Variants in PLXDC2 observed in about 807,000 individuals in gnomAD.
The protein encoded by PLXDC2 is plexin domain containing 2.
Under a neutral mutation model 68.9 loss-of-function variants are expected in PLXDC2, and 40 were observed. The observed-to-expected ratio is 0.58, with a 90% CI of 0.45 to 0.76. PLXDC2 has a LOEUF of 0.76. Among genes scored for constraint, PLXDC2 ranks in the 30% least tolerant of loss-of-function variants. The pLI, the probability that PLXDC2 is intolerant of heterozygous loss-of-function variation, is 0.00. For synonymous variants in PLXDC2, 243 were observed against 234.2 expected, an observed-to-expected ratio of 1.04 and a Z score of -0.34; for missense variants, 644 against 661.9, an observed-to-expected ratio of 0.97 and a Z score of 0.30.
At chr10:20,126,054 A>C (rs1028549751) in intron 4 of PLXDC2, among the ~76,000 whole-genome samples, 1 of 148,284 alleles carries the variant, frequency 6.7e-6, no homozygotes, top group Non-Finnish European at 1.5e-5. Context: ...TTGCGTATAC[A>C]TATATACACA....
intron 1 of PLXDC2, among the ~76,000 whole-genome samples, chr10:19,827,734 T>C (rs556315282): frequency 1.3e-5 from 2 of 152,182 alleles, no homozygotes; most frequent in Non-Finnish European, 2.9e-5. Flanking sequence ...AATTTGTGTA[T>C]TTTTAGTAGA....
chr10:20,005,538 G>A (rs769672636), intron 2 of PLXDC2, among the ~76,000 whole-genome samples: 9 of 152,150 alleles, frequency 5.9e-5, no homozygotes, highest in Admixed American at 2.6e-4. Flanking sequence ...TTTAGCTCAC[G>A]GTTCTGTAGG....
At chr10:19,849,549 T>A (rs1837076615) in intron 1 of PLXDC2, among the ~76,000 whole-genome samples, 1 of 152,242 alleles carries the variant, frequency 6.6e-6, no homozygotes, top group East Asian at 1.9e-4. Context: ...ATGATAGTGA[T>A]CTGATGGCTT....
intron 1 of PLXDC2, among the ~76,000 whole-genome samples, chr10:19,943,302 T>C (rs1317753158): frequency 6.6e-6 from 1 of 152,170 alleles, no homozygotes; most frequent in Admixed American, 6.5e-5. Flanking sequence ...TACACATGTA[T>C]CTTTACAGTA....
At chr10:20,089,425 C>G (rs10827962) in intron 4 of PLXDC2, among the ~76,000 whole-genome samples, 94,774 of 151,934 alleles carry the variant, frequency 0.62, 31,402 homozygotes, top group East Asian at 1. Flanking sequence ...ACATGTGTTT[C>G]GAGACTGTTG....
At chr10:20,122,811 G>A (rs1388637426) in intron 4 of PLXDC2, among the ~76,000 whole-genome samples, 6 of 152,118 alleles carry the variant, frequency 3.9e-5, no homozygotes, top group Non-Finnish European at 8.8e-5. Context: ...TTTGAGGGCC[G>A]GAATTTAATT....
At chr10:20,016,038 CCT>C (rs1474887932) in intron 2 of PLXDC2, among the ~76,000 whole-genome samples, 2 of 152,174 alleles carry the variant, frequency 1.3e-5, no homozygotes, top group African/African-American at 4.8e-5. Flanking sequence ...AGTGAAAGGG[CCT>C]CTCTATTTAA....
At chr10:20,178,208 ATT>A (rs1330380038) in intron 9 of PLXDC2, among the ~76,000 whole-genome samples, 2 of 152,184 alleles carry the variant, frequency 1.3e-5, no homozygotes, top group Admixed American at 6.5e-5. Flanking sequence ...TCATGTTGTA[ATT>A]AGCTAACCCT....
chr10:20,120,418 A>G (rs898357501), intron 4 of PLXDC2, among the ~76,000 whole-genome samples: 3 of 151,668 alleles, frequency 2.0e-5, no homozygotes, highest in Non-Finnish European at 4.4e-5. Context: ...ATGGAGGACC[A>G]TAAGGGATAT....
chr10:20,210,545 T>C (rs1835055523), intron 9 of PLXDC2, among the ~76,000 whole-genome samples: 1 of 152,156 alleles, frequency 6.6e-6, no homozygotes, highest in Non-Finnish European at 1.5e-5. Flanking sequence ...CAAAGTCTAA[T>C]TAACACAATG....
chr10:20,165,048 C>T (rs977615672), intron 7 of PLXDC2, among the ~76,000 whole-genome samples: 3 of 152,088 alleles, frequency 2.0e-5, no homozygotes, highest in Non-Finnish European at 4.4e-5. Flanking sequence ...GTCTTGAACT[C>T]CTGAGCTTAA....
intron 1 of PLXDC2, among the ~76,000 whole-genome samples, chr10:19,853,709 G>GT (rs1435508201): frequency 1.3e-5 from 2 of 152,164 alleles, no homozygotes; most frequent in East Asian, 3.9e-4. Context: ...AAAATGAGGG[G>GT]TGAAGAGACA....
intron 1 of PLXDC2, among the ~76,000 whole-genome samples, chr10:19,883,350 A>G (rs887444442): frequency 2.6e-5 from 4 of 152,226 alleles, no homozygotes; most frequent in African/African-American, 7.2e-5. Context: ...TTAGTTAGCT[A>G]TAAGGTAGCC....
intron 4 of PLXDC2, among the ~76,000 whole-genome samples, chr10:20,124,739 G>T (rs540972567): frequency 6.6e-6 from 1 of 151,852 alleles, no homozygotes. Context: ...AAGGTACTCA[G>T]TGGGGGAGCT....
At chr10:20,123,959 G>A (rs1363694356) in intron 4 of PLXDC2, among the ~76,000 whole-genome samples, 1 of 151,902 alleles carries the variant, frequency 6.6e-6, no homozygotes, top group Non-Finnish European at 1.5e-5. Context: ...CCCTAGAAAA[G>A]CGGGACTTGC....
At chr10:20,216,113 A>T (rs895027818) in intron 10 of PLXDC2, among the ~76,000 whole-genome samples, 2 of 152,104 alleles carry the variant, frequency 1.3e-5, no homozygotes, top group Non-Finnish European at 2.9e-5. Flanking sequence ...AAACTAAAAA[A>T]AAAAAAAAAT....
At chr10:19,934,268 G>T (rs1395466055) in intron 1 of PLXDC2, among the ~76,000 whole-genome samples, 1 of 152,178 alleles carries the variant, frequency 6.6e-6, no homozygotes, top group South Asian at 2.1e-4. Context: ...TAATGCTCAT[G>T]ACCATTCTTG....
intron 1 of PLXDC2, among the ~76,000 whole-genome samples, chr10:19,888,244 G>T (rs1044632870): frequency 6.6e-6 from 1 of 152,202 alleles, no homozygotes; most frequent in East Asian, 1.9e-4. Flanking sequence ...GTGGATCAAA[G>T]GTGATAGAAA....
chr10:20,068,133 C>G (rs1164974713), intron 3 of PLXDC2, 37 bp from the exon 4 acceptor site: 2 of 1,545,018 alleles, frequency 1.3e-6, no homozygotes, highest in Admixed American at 1.7e-5. Flanking sequence ...CTATGCTACA[C>G]ATTATTGATT....
Sources: allele counts gnomAD v4.1 joint callset (sites outside exome capture counted in the v4.1 genomes callset), GRCh38; gene constraint gnomAD v4.1.1; transcripts MANE v1.5; gene names NCBI Gene and HGNC (gene_info 2026-07-23, HGNC 2026-07-21).